GPC5: variants seen among roughly 807,000 people sequenced by gnomAD.
GPC5 encodes glypican 5.
GPC5 carries 47 observed loss-of-function variants against 53.9 expected under a neutral mutation model. The ratio of observed to expected loss-of-function variants is 0.87; its 90% CI spans 0.69 to 1.11. GPC5 has a LOEUF of 1.11. Ranked by LOEUF, GPC5 falls within the 50% of genes most tolerant of loss-of-function variation. GPC5 has a pLI of 0.00. For missense variants in GPC5, 748 were observed against 713.1 expected (o/e 1.05, Z -0.56); for synonymous variants, 286 against 263.3 (o/e 1.09, Z -0.84).
chr13:92,767,288 T>C (rs1292714042), intron 7 of GPC5, among the ~76,000 whole-genome samples: 1 of 152,066 alleles, frequency 6.6e-6, no homozygotes, highest in Non-Finnish European at 1.5e-5. Context: ...CTGGCCAACA[T>C]GGTGAAACCC....
intron 2 of GPC5, among the ~76,000 whole-genome samples, chr13:91,580,703 C>G (rs981495673): frequency 6.6e-6 from 1 of 152,230 alleles, no homozygotes; most frequent in Non-Finnish European, 1.5e-5. Context: ...AGGATAAGCT[C>G]TTACCATCCA....
At chr13:92,281,737 C>T (rs373711339) in intron 7 of GPC5, among the ~76,000 whole-genome samples, 2 of 152,130 alleles carry the variant, frequency 1.3e-5, no homozygotes, top group African/African-American at 4.8e-5. Context: ...CACACCAAAA[C>T]CCCATCTGTA....
intron 7 of GPC5, among the ~76,000 whole-genome samples, chr13:92,548,433 T>C (rs1001225653): frequency 2.0e-5 from 3 of 151,416 alleles, no homozygotes; most frequent in South Asian, 2.1e-4. Flanking sequence ...TTTTTAAATA[T>C]ATAAAATATA....
In GPC5 at chr13:91,739,626, G is replaced by A. The variant is rs191756277; in HGVS notation, c.1154+10961G>A. 4.0e-3 allele frequency among the ~76,000 whole-genome samples: 605 copies of A among 151,284 alleles called. 6 individuals are homozygous for A. Among genetic ancestry groups the A allele is most frequent in the Middle Eastern group, 6.8e-3 (2 of 294 alleles). On this transcript the variant is annotated intron_variant, in intron 4 of 7. Transcript: ENST00000377067. ...ACATGGCTGTTGGTGGGAGGCCTCC[G>A]TTTGTTGTCACAGTGACCTCTCCAT... is the stretch of plus-strand genomic sequence containing the variant.
intron 2 of GPC5, among the ~76,000 whole-genome samples, chr13:91,686,926 G>C (rs1448174789): frequency 1.3e-5 from 2 of 151,810 alleles, no homozygotes; most frequent in African/African-American, 4.8e-5. Context: ...TCTTCAATCA[G>C]ATATACATTG....
chr13:92,056,170 T>C (rs775296041), intron 6 of GPC5, among the ~76,000 whole-genome samples: 4 of 152,220 alleles, frequency 2.6e-5, no homozygotes, highest in Non-Finnish European at 5.9e-5. Flanking sequence ...GTCTTCCTTC[T>C]GTAGGCTCCA....
intron 7 of GPC5, among the ~76,000 whole-genome samples, chr13:92,858,875 T>C (rs1450127436): frequency 1.3e-5 from 2 of 152,186 alleles, no homozygotes; most frequent in African/African-American, 4.8e-5. Flanking sequence ...TTCTTGAAAG[T>C]ACTCATTTCT....
chr13:92,406,383 C>T (rs961526922), intron 7 of GPC5, among the ~76,000 whole-genome samples: 2 of 152,132 alleles, frequency 1.3e-5, no homozygotes, highest in Non-Finnish European at 2.9e-5. Flanking sequence ...CCTAAATTTT[C>T]TATTTTAACC....
intron 6 of GPC5, among the ~76,000 whole-genome samples, chr13:92,051,039 G>A (rs1326636275): frequency 6.6e-6 from 1 of 152,144 alleles, no homozygotes; most frequent in Non-Finnish European, 1.5e-5. Context: ...AAGGAGTACA[G>A]TTTGAGAGAT....
intron 7 of GPC5, among the ~76,000 whole-genome samples, chr13:92,206,291 A>G (rs1258824249): frequency 6.7e-6 from 1 of 149,276 alleles, no homozygotes; most frequent in East Asian, 2.0e-4. Context: ...CAGCCTCCCG[A>G]GTAGCTGCGA....
rs553760485 is a variant in GPC5, at chr13:92,758,661, T to G, written c.1562-107621T>G. 7.9e-5 allele frequency among the ~76,000 whole-genome samples: 12 copies of G among 152,268 alleles called. No homozygotes were observed. In the East Asian group the frequency reaches 2.1e-3, roughly 27 times the overall value. On this transcript the variant is annotated intron_variant, in intron 7 of 7. Coordinates refer to ENST00000377067, the MANE Select transcript of GPC5 (RefSeq NM_004466.6). ...CTTGTGTTTATATTTATTTTCAAGA[T>G]TATACTCCTTAAAATAATCCCATTT...
chr13:91,968,998 C>T (rs2040215600), intron 6 of GPC5, among the ~76,000 whole-genome samples: 1 of 151,480 alleles, frequency 6.6e-6, no homozygotes, highest in Admixed American at 6.6e-5. Context: ...GATGGAGTCT[C>T]CACTCTGTCA....
chr13:92,707,905 A>C (rs7323921), intron 7 of GPC5, among the ~76,000 whole-genome samples: 81,848 of 151,836 alleles, frequency 0.54, 22,822 homozygotes, highest in East Asian at 0.84. Flanking sequence ...GACCATGAGC[A>C]AAGAAATGAC....
At chr13:91,412,045 A>G (rs1877834249) in intron 1 of GPC5, among the ~76,000 whole-genome samples, 1 of 152,176 alleles carries the variant, frequency 6.6e-6, no homozygotes, top group Non-Finnish European at 1.5e-5. Flanking sequence ...CCTTTTGTGA[A>G]GAGCATTGGC....
At chr13:91,800,307 A>T (rs1358367506) in intron 5 of GPC5, among the ~76,000 whole-genome samples, 1 of 152,142 alleles carries the variant, frequency 6.6e-6, no homozygotes, top group African/African-American at 2.4e-5. Flanking sequence ...GATTAATGAG[A>T]TATGAGATTA....
At chr13:92,074,526 G>A (rs116030899) in intron 6 of GPC5, among the ~76,000 whole-genome samples, 1 of 152,174 alleles carries the variant, frequency 6.6e-6, no homozygotes, top group Non-Finnish European at 1.5e-5. Context: ...ACATTGGGTA[G>A]ATATCATAGT....
intron 6 of GPC5, among the ~76,000 whole-genome samples, chr13:92,063,234 T>A (rs967944664): frequency 1.3e-5 from 2 of 152,172 alleles, no homozygotes; most frequent in African/African-American, 2.4e-5. Context: ...CCAAGTCCCA[T>A]AAATCAGATA....
At chr13:92,059,494 C>T (rs1457032897) in intron 6 of GPC5, among the ~76,000 whole-genome samples, 2 of 151,478 alleles carry the variant, frequency 1.3e-5, no homozygotes, top group Non-Finnish European at 2.9e-5. Flanking sequence ...ATACCTATAC[C>T]CTAGAATTAT....
chr13:92,752,287 C>A (rs1248240956), intron 7 of GPC5, among the ~76,000 whole-genome samples: 1 of 152,148 alleles, frequency 6.6e-6, no homozygotes, highest in African/African-American at 2.4e-5. Context: ...CAAAGTATCT[C>A]CAGACATTGA....
Sources: allele counts gnomAD v4.1 joint callset (sites outside exome capture counted in the v4.1 genomes callset), GRCh38; gene constraint gnomAD v4.1.1; transcripts MANE v1.5; gene names NCBI Gene and HGNC (gene_info 2026-07-23, HGNC 2026-07-21).